The following IDO2 variants were observed in gnomAD, a reference collection of about 807,000 sequenced individuals.
The protein encoded by IDO2 is indoleamine 2,3-dioxygenase 2.
A neutral mutation model predicts 45.1 loss-of-function variants in IDO2; 46 were observed. The ratio of observed to expected loss-of-function variants is 1.02; its 90% CI spans 0.80 to 1.30. The LOEUF is 1.30. Among genes scored for constraint, IDO2 ranks in the 50% most tolerant of loss-of-function variants. IDO2 has a pLI of 0.00. For synonymous variants in IDO2, 218 were observed against 184.9 expected (o/e 1.18, Z -1.45); for missense variants, 544 against 491.8 (o/e 1.11, Z -1.00).
In IDO2 at chr8:40,015,010, G is replaced by A. The variant is rs143889200; in HGVS notation, c.869-237G>A. On this transcript the variant is annotated intron_variant, in intron 10 of 10. Transcript: ENST00000502986. ...CTAAAAGGAATACAAAAAAATATTA[G>A]CTGGGTGTGGTGGCGCACACCTGTA... Among the ~76,000 whole-genome samples, 141 of 152,174 alleles carry A rather than the reference G, an allele frequency of 9.3e-4. 3 individuals carry two copies. The East Asian group carries it at 0.021, about 23-fold the overall frequency.
Position 40,015,399 on chromosome 8 carries a change from G to A in IDO2, c.1021G>A (p.Ala341Thr), listed in dbSNP as rs770066631. Reference sequence around the variant, plus strand: ...TTATAACCAGTGTGTGCAGGCCCTGGCAGAGCTGCGGAGCTATCACATCAC... The same window carrying A: ...TTATAACCAGTGTGTGCAGGCCCTGACAGAGCTGCGGAGCTATCACATCAC... Residue 341 changes from alanine to threonine, a missense_variant, in exon 11 of 11, where the codon GCA (alanine) becomes ACA (threonine). Transcript: ENST00000502986. The A allele has an allele frequency of 3.1e-6, 5 of 1,613,904 alleles. No individual in the cohort carries two copies. The South Asian group carries it at 5.5e-5, about 18-fold the overall frequency.
chr8:39,977,850 T>C (rs936701813), intron 3 of IDO2, among the ~76,000 whole-genome samples: 2 of 152,198 alleles, frequency 1.3e-5, no homozygotes, highest in Admixed American at 6.5e-5. Context: ...ATTTATGGGG[T>C]ACATGAGATG....
exon 4 of IDO2, chr8:39,979,101 A>C (rs779707277): frequency 4.4e-6 from 7 of 1,599,544 alleles, no homozygotes; most frequent in Non-Finnish European, 6.0e-6. Flanking sequence ...CTGAAGGGTC[A>C]CCGGGAGCAG....
chr8:39,985,232 T>C (rs1808406655), intron 5 of IDO2: 1 of 485,930 alleles, frequency 2.1e-6, no homozygotes, highest in Middle Eastern at 5.5e-4. Context: ...CCCAGCCTAA[T>C]AATATATTAA....
At chr8:39,989,724 C>T (rs745917569) in exon 8 of IDO2, 13 of 1,582,734 alleles carry the variant, frequency 8.2e-6, no homozygotes, top group South Asian at 1.2e-5. Context: ...TCCCTAGGCT[C>T]TTGTTCAGGC....
intron 9 of IDO2, among the ~76,000 whole-genome samples, chr8:40,010,340 C>A (rs1418620654): frequency 1.3e-5 from 2 of 151,982 alleles, no homozygotes; most frequent in African/African-American, 4.8e-5. Flanking sequence ...CCAGCAGGGC[C>A]GCAACACTCA....
intron 9 of IDO2, among the ~76,000 whole-genome samples, chr8:40,011,983 A>G (rs749581914): frequency 1.1e-4 from 16 of 152,242 alleles, no homozygotes; most frequent in Admixed American, 2.0e-4. Context: ...TGTTGCCCCA[A>G]TTGCGGAGGC....
intron 8 of IDO2, among the ~76,000 whole-genome samples, chr8:39,996,552 T>A (rs1249187258): frequency 6.6e-6 from 1 of 152,098 alleles, no homozygotes; most frequent in Non-Finnish European, 1.5e-5. Context: ...CGCATCTTGG[T>A]GGTAGTGGTC....
At chr8:39,971,508 T>C (rs1808178564) in intron 3 of IDO2, among the ~76,000 whole-genome samples, 1 of 152,190 alleles carries the variant, frequency 6.6e-6, no homozygotes, top group Non-Finnish European at 1.5e-5. Context: ...AACTATACTT[T>C]GTAAGGCTAT....
chr8:40,008,605 A>G (rs896108133), intron 9 of IDO2, among the ~76,000 whole-genome samples: 1 of 152,212 alleles, frequency 6.6e-6, no homozygotes, highest in African/African-American at 2.4e-5. Context: ...TATGATAAGA[A>G]TCTTGGAAAA....
intron 9 of IDO2, among the ~76,000 whole-genome samples, chr8:40,012,382 G>A (rs1195252515): frequency 6.6e-6 from 1 of 152,102 alleles, no homozygotes; most frequent in African/African-American, 2.4e-5. Context: ...TCAAGTTCTG[G>A]TTCTATCATC....
At chr8:39,937,424 G>T (rs1341428794) in intron 1 of IDO2, among the ~76,000 whole-genome samples, 1 of 151,976 alleles carries the variant, frequency 6.6e-6, no homozygotes, top group African/African-American at 2.4e-5. Context: ...CATTTAATAA[G>T]TAACTTTTTG....
At chr8:39,999,325 G>T (rs1045396480) in intron 8 of IDO2, among the ~76,000 whole-genome samples, 90 of 136,328 alleles carry the variant, frequency 6.6e-4, no homozygotes, top group African/African-American at 2.5e-3. Flanking sequence ...TGTTGCCCAG[G>T]CTGGAGTGCA....
At chr8:40,011,686 T>G (rs572243979) in intron 9 of IDO2, among the ~76,000 whole-genome samples, 1 of 152,332 alleles carries the variant, frequency 6.6e-6, no homozygotes, top group Non-Finnish European at 1.5e-5. Flanking sequence ...GCTTAACATG[T>G]TCCAGGCCCT....
At chr8:39,971,041 G>A (rs540334093) in intron 3 of IDO2, among the ~76,000 whole-genome samples, 1 of 152,286 alleles carries the variant, frequency 6.6e-6, no homozygotes, top group Admixed American at 6.5e-5. Context: ...TGGGATTACA[G>A]GTGTGAGCCA....
intron 6 of IDO2, chr8:39,986,188 AG>A (rs1211581588): frequency 6.6e-6 from 1 of 152,264 alleles, no homozygotes; most frequent in East Asian, 1.9e-4. Flanking sequence ...ATGGGAGGCC[AG>A]ATTGCAGATT....
intron 7 of IDO2, among the ~76,000 whole-genome samples, 178 bp downstream of exon 7, chr8:39,988,148 A>C (rs1808451898): frequency 6.6e-6 from 1 of 152,194 alleles, no homozygotes; most frequent in South Asian, 2.1e-4. Flanking sequence ...CCCTTTTCTC[A>C]ATTCCTATAA....
At chr8:40,015,596 T>C in exon 11 of IDO2, 1 of 1,608,096 alleles carries the variant, frequency 6.2e-7, no homozygotes, top group Non-Finnish European at 8.5e-7. Context: ...TTCACCCACG[T>C]GGTTAGGAGG....
chr8:39,993,974 T>C (rs1017339104), intron 8 of IDO2, among the ~76,000 whole-genome samples: 4 of 152,020 alleles, frequency 2.6e-5, no homozygotes, highest in Non-Finnish European at 5.9e-5. Flanking sequence ...GCCACTGCAC[T>C]CCAGCCTGGG....
Sources: gnomAD v4.1 joint callset for allele counts (sites outside exome capture counted in the v4.1 genomes callset) on GRCh38, gnomAD v4.1.1 for gene constraint, MANE v1.5 for transcripts, NCBI Gene and HGNC (gene_info 2026-07-23, HGNC 2026-07-21) for gene names.